C1orf167: variants seen among roughly 807,000 people sequenced by gnomAD.
C1orf167 encodes chromosome 1 open reading frame 167.
Under a neutral mutation model 176.5 loss-of-function variants are expected in C1orf167, and 153 were observed. The observed-to-expected ratio is 0.87, with a 90% CI of 0.76 to 0.99. The LOEUF (loss-of-function observed/expected upper bound fraction) is 0.99. C1orf167 is among the 50% of genes least tolerant of loss of function. C1orf167 has a pLI of 0.00. For synonymous variants in C1orf167, 594 were observed against 752.7 expected (o/e 0.79, Z 3.45); for missense variants, 1,490 against 1,817.7 (o/e 0.82, Z 3.28).
intron 6 of C1orf167, among the ~76,000 whole-genome samples, chr1:11,770,994 GTGTGTGTA>G (rs56692092): frequency 0.54 from 68,698 of 127,482 alleles, 19,062 homozygotes; most frequent in East Asian, 0.77. Context: ...GTGTGTGTGT[GTGTGTGTA>G]TATATCACCT....
Position 11,768,091 on chromosome 1 carries a change from C to G in C1orf167, c.1358C>G (p.Ser453Cys). 2.3e-6 allele frequency: 3 copies of G among 1,288,142 alleles called. No homozygotes were observed. Among genetic ancestry groups the G allele is most frequent in the Non-Finnish European group, 3.0e-6 (3 of 988,002 alleles). 79.8% of individuals were successfully genotyped at this position (1,288,142 alleles called of 1,614,324 possible). A position where few individuals can be genotyped will look rare whatever the true frequency, so the allele number is the denominator to read the frequency against. Residue 453 changes from serine to cysteine, a missense_variant, in exon 5 of 21, where the codon TCC becomes TGC. Ser to Cys is a moderately radical substitution (Grantham distance 112). Transcript: ENST00000688073. This position sits in a 1 kb window ranked among gnomAD's most constrained non-coding sequence, Gnocchi z 4.5. Reference sequence around the variant, plus strand: ...TCTGTCCCCAGCTGGCAGCTGTTGTCCAGATGTTTTCGATCCTGGAGGCAC... The same window carrying G: ...TCTGTCCCCAGCTGGCAGCTGTTGTGCAGATGTTTTCGATCCTGGAGGCAC... ...ESEAICWQLLSRCFRSWRHLV... is the reference protein window; with the variant it reads ...ESEAICWQLLCRCFRSWRHLV...
intron 6 of C1orf167, 107 bp downstream of exon 6, chr1:11,769,234 T>C (rs1642938508): frequency 1.1e-6 from 1 of 883,160 alleles, no homozygotes; most frequent in South Asian, 5.2e-5. Context: ...AATAAGCAGA[T>C]GTGGGCAAAG....
At chr1:11,772,711 T>C (rs1643138884) in intron 8 of C1orf167, among the ~76,000 whole-genome samples, 1 of 151,950 alleles carries the variant, frequency 6.6e-6, no homozygotes, top group African/African-American at 2.4e-5. Context: ...CAAAGCTTAG[T>C]CCCGGCCTCC....
chr1:11,777,453 C>T (rs1643372596), intron 10 of C1orf167: 1 of 152,454 alleles, frequency 6.6e-6, no homozygotes, highest in Non-Finnish European at 1.5e-5. Context: ...GAGTTTGAGA[C>T]CAGCCTGGTC....
At chr1:11,773,799 C>A (rs72638693) in intron 8 of C1orf167, among the ~76,000 whole-genome samples, 37 of 152,048 alleles carry the variant, frequency 2.4e-4, no homozygotes, top group African/African-American at 6.3e-4. Context: ...TTAATACTCA[C>A]GAATATCTGG....
chr1:11,776,515 T>G lies in C1orf167; in HGVS notation c.2216T>G (p.Val739Gly), dbSNP rs529099126. 2.3e-6 allele frequency: 3 copies of G among 1,299,832 alleles called. No individual in the cohort carries two copies. The South Asian group carries it at 3.7e-5, about 16-fold the overall frequency. The allele number at this position is 1,299,832 out of a possible 1,614,324, so 80.5% of individuals were successfully genotyped here. Reference sequence around the variant, plus strand: ...CCTGGAGCCTGTGGCCTGGGTGCAGTGGGCCAGGCCCAGGGGCAGCAGGAG... The same window carrying G: ...CCTGGAGCCTGTGGCCTGGGTGCAGGGGGCCAGGCCCAGGGGCAGCAGGAG... ...AGPGACGLGA[V>G]GQAQGQQEQG... Residue 739 changes from valine (V) to glycine (G), a missense_variant, in exon 10 of 21, where the codon GTG (valine) becomes GGG (glycine). Transcript: ENST00000688073.
intron 8 of C1orf167, among the ~76,000 whole-genome samples, chr1:11,774,925 T>C (rs1557731031): frequency 6.6e-6 from 1 of 152,148 alleles, no homozygotes; most frequent in African/African-American, 2.4e-5. Flanking sequence ...CCAGAGGTGA[T>C]AGTGTCATGG....
At position 11,766,218 on chromosome 1, in the gene C1orf167, G is replaced by GC. The variant is rs1397213365; in HGVS notation, c.436dup (p.His146ProfsTer33). ...GCCCAGAGCCTGGGGGAAGCTCTGG[G>GC]CCCCACAAGCTTCCCTGGGGTCCTC... On this transcript the variant is annotated frameshift_variant, in exon 3 of 21. Transcript: ENST00000688073. LOFTEE classifies it high-confidence loss of function. This position sits in a 1 kb window ranked among gnomAD's most constrained non-coding sequence, Gnocchi z 4.5. The GC allele has an allele frequency of 7.8e-7, 1 of 1,289,710 alleles. No individual in the cohort carries two copies. The highest frequency in any genetic ancestry group is 1.0e-6 in the Non-Finnish European group (1 of 988,814). 79.9% of individuals were successfully genotyped at this position (1,289,710 alleles called of 1,614,324 possible).
rs1371093819 is a variant in C1orf167 at position 11,772,177 on chromosome 1, C to A, written c.1906C>A (p.Pro636Thr). The A allele has an allele frequency of 7.7e-7, 1 of 1,304,324 alleles. No individual in the cohort carries two copies. Among genetic ancestry groups the A allele is most frequent in the Admixed American group, 2.3e-5 (1 of 43,574 alleles). 80.8% of individuals were successfully genotyped at this position (1,304,324 alleles called of 1,614,324 possible). A position where few individuals can be genotyped will look rare whatever the true frequency, so the allele number is the denominator to read the frequency against. ...TRATQRTGSF[P>T]QAWHSTAAGV... Reference sequence around the variant, plus strand: ...GGCCACACAGAGGACAGGGAGCTTCCCCCAGGCCTGGCACTCTACTGCTGC... The same window carrying A: ...GGCCACACAGAGGACAGGGAGCTTCACCCAGGCCTGGCACTCTACTGCTGC... The change falls in exon 8 of 21, where the codon CCC becomes ACC. Residue 636 changes from proline to threonine, a missense_variant. Coordinates refer to ENST00000688073, the MANE Select transcript of C1orf167 (RefSeq NM_001010881.2).
At position 11,788,384 on chromosome 1, in the gene C1orf167, T is replaced by C. The variant is rs781062180; in HGVS notation, c.4078+6T>C. 7.0e-6 allele frequency: 9 copies of C among 1,288,496 alleles called. No individual in the cohort carries two copies. In the South Asian group the frequency reaches 1.1e-4, roughly 16 times the overall value. The allele number at this position is 1,288,496 out of a possible 1,614,324, so 79.8% of individuals were successfully genotyped here. On this transcript the variant is annotated splice_donor_region_variant and intron_variant, in intron 19 of 20. Coordinates refer to ENST00000688073, the MANE Select transcript of C1orf167 (RefSeq NM_001010881.2). ...AGCAGCTGGTGCGGACCCTGGTGAG[T>C]GGGTGCACCCCTCTCCACACTGACC...
At chr1:11,764,259 A>C in intron 1 of C1orf167, 72 bp from the exon 2 acceptor site, 2 of 567,332 alleles carry the variant, frequency 3.5e-6, no homozygotes, top group Middle Eastern at 3.1e-4. Flanking sequence ...GAGTACTGCT[A>C]AAGGGAGGAG....
chr1:11,768,555 G>C lies in C1orf167; in HGVS notation c.1542+280G>C, dbSNP rs904875396. Among the ~76,000 whole-genome samples the C allele has an allele frequency of 1.3e-5, 2 of 152,190 alleles. No homozygotes were observed. Among genetic ancestry groups the C allele is most frequent in the Admixed American group, 6.5e-5 (1 of 15,276 alleles). ...CTAAAATGGGATGATGATGATAATA[G>C]AACATACCTCTCTCAGGGTCGTTGT... is the stretch of plus-strand genomic sequence containing the variant. On this transcript the variant is annotated intron_variant, in intron 5 of 20. Coordinates refer to ENST00000688073, the MANE Select transcript of C1orf167 (RefSeq NM_001010881.2). This position sits in a 1 kb window ranked among gnomAD's most constrained non-coding sequence, Gnocchi z 4.5.
At chr1:11,776,755 C>T in intron 10 of C1orf167, 117 bp downstream of exon 10, 1 of 941,840 alleles carries the variant, frequency 1.1e-6, no homozygotes, top group Non-Finnish European at 1.4e-6. Context: ...GCAGTAACTG[C>T]ATCCCACTCC....
intron 2 of C1orf167, among the ~76,000 whole-genome samples, chr1:11,765,502 T>C (rs1191258468): frequency 6.6e-6 from 1 of 152,060 alleles, no homozygotes; most frequent in Non-Finnish European, 1.5e-5. Context: ...TTTCCCTTTA[T>C]TACCTGACTC....
At chr1:11,763,628 C>T (rs189173595) in intron 1 of C1orf167, among the ~76,000 whole-genome samples, 10 of 152,238 alleles carry the variant, frequency 6.6e-5, no homozygotes, top group East Asian at 5.8e-4. Flanking sequence ...TGAAGGCTCA[C>T]GGGGCATTGA....
intron 8 of C1orf167, among the ~76,000 whole-genome samples, chr1:11,772,956 T>A (rs1570397068): frequency 8.6e-6 from 1 of 116,250 alleles, no homozygotes; most frequent in East Asian, 3.3e-4. Flanking sequence ...TAGAGTGCAG[T>A]GGCACGATCT....
chr1:11,787,315 A>C, intron 16 of C1orf167, 73 bp from the exon 17 acceptor site: 1 of 923,066 alleles, frequency 1.1e-6, no homozygotes, highest in Non-Finnish European at 1.4e-6. Flanking sequence ...TAGAGCAGCG[A>C]AGAAATCCCA....
In C1orf167 at chr1:11,767,284, G is replaced by A. The variant is rs1430214379; in HGVS notation, c.1343+20G>A. ...AATCTGGTGAGGCCATGGCTGGGTG[G>A]GGACAGGGGTTGGAGTTGGGGGACA... On this transcript the variant is annotated intron_variant, in intron 4 of 20. Coordinates refer to ENST00000688073, the MANE Select transcript of C1orf167 (RefSeq NM_001010881.2). 2 of 1,282,754 alleles carry A rather than the reference G, an allele frequency of 1.6e-6. No homozygotes were observed. Among genetic ancestry groups the A allele is most frequent in the South Asian group, 1.2e-5 (1 of 80,926 alleles). 79.5% of individuals were successfully genotyped at this position (1,282,754 alleles called of 1,614,324 possible).
In C1orf167 at chr1:11,778,791, G is replaced by T. The variant is rs6697244; in HGVS notation, c.2471G>T (p.Ser824Ile). Residue 824 changes from serine to isoleucine, a missense_variant, in exon 11 of 21, where the codon AGC (serine) becomes ATC (isoleucine). By Grantham distance (142) the Ser-to-Ile change is moderately radical. Transcript: ENST00000688073. ...TCGGCTCTGGAGCCACTGAGCAGCA[G>T]CACACTCCAAGACTCTCTGGAGAAG... ...TPSALEPLSS[S>I]TLQDSLEKVP... 777,713 of 1,302,672 alleles carry T rather than the reference G, an allele frequency of 0.6. 235,878 individuals are homozygous for T. The highest frequency in any genetic ancestry group is 0.77 in the East Asian group (13,857 of 17,912). 80.7% of individuals were successfully genotyped at this position (1,302,672 alleles called of 1,614,324 possible).
Sources: gnomAD v4.1 joint callset for allele counts (sites outside exome capture counted in the v4.1 genomes callset) on GRCh38, gnomAD v4.1.1 for gene constraint, Gnocchi (gnomAD v3.1) non-coding constraint, MANE v1.5 for transcripts, NCBI Gene and HGNC (gene_info 2026-07-23, HGNC 2026-07-21) for gene names.